The following GRM1 variants were observed in gnomAD, a reference collection of about 807,000 sequenced individuals.
The protein encoded by GRM1 is metabotropic glutamate receptor 1.
GRM1 carries 33 observed loss-of-function variants against 90.9 expected under a neutral mutation model. The observed-to-expected ratio is 0.36, with a 90% confidence interval of 0.28 to 0.49. The LOEUF (loss-of-function observed/expected upper bound fraction) is 0.49. Among genes scored for constraint, GRM1 ranks in the 20% least tolerant of loss-of-function variants. The pLI is 0.99. For missense variants in GRM1, 1,190 were observed against 1,534.3 expected, an observed-to-expected ratio of 0.78 and a Z score of 3.75; for synonymous variants, 700 against 613.2, an observed-to-expected ratio of 1.14 and a Z score of -2.09.
intron 1 of GRM1, among the ~76,000 whole-genome samples, chr6:146,109,766 G>A (rs925260279): frequency 1.3e-5 from 2 of 152,204 alleles, no homozygotes; most frequent in Non-Finnish European, 2.9e-5. Context: ...ACCCTGCAAA[G>A]CTACAGGGGT....
intron 1 of GRM1, among the ~76,000 whole-genome samples, chr6:146,070,662 T>C (rs958703518): frequency 6.6e-6 from 1 of 152,158 alleles, no homozygotes; most frequent in Admixed American, 6.6e-5. Flanking sequence ...TGTACAAATA[T>C]ATAAAATTAA....
chr6:146,311,951 G>C (rs1783787369), intron 3 of GRM1, among the ~76,000 whole-genome samples: 1 of 152,046 alleles, frequency 6.6e-6, no homozygotes, highest in African/African-American at 2.4e-5. Flanking sequence ...GATTGAGAAT[G>C]TTATCATTTG....
At chr6:146,110,918 G>C (rs12200649) in intron 1 of GRM1, among the ~76,000 whole-genome samples, 13,419 of 152,230 alleles carry the variant, frequency 0.088, 799 homozygotes, top group South Asian at 0.14. Flanking sequence ...AAGGAGGAAG[G>C]AGAGAGAAGG....
chr6:146,113,588 G>A (rs913056255), intron 1 of GRM1, among the ~76,000 whole-genome samples: 1 of 152,144 alleles, frequency 6.6e-6, no homozygotes, highest in Non-Finnish European at 1.5e-5. Context: ...TCTTAAATCT[G>A]TGTAGTGCAG....
intron 3 of GRM1, among the ~76,000 whole-genome samples, chr6:146,342,613 T>C (rs1785022577): frequency 6.6e-6 from 1 of 152,210 alleles, no homozygotes; most frequent in African/African-American, 2.4e-5. Flanking sequence ...TGTTCATCAA[T>C]AAGTTGAGGT....
chr6:146,231,109 C>G (rs1199877856), intron 2 of GRM1, among the ~76,000 whole-genome samples: 1 of 152,000 alleles, frequency 6.6e-6, no homozygotes, highest in Non-Finnish European at 1.5e-5. Flanking sequence ...TTATCCATGC[C>G]CATACAATGT....
At chr6:146,161,030 A>T (rs1777704034) in intron 2 of GRM1, among the ~76,000 whole-genome samples, 1 of 152,144 alleles carries the variant, frequency 6.6e-6, no homozygotes, top group African/African-American at 2.4e-5. Flanking sequence ...TAGGAGTGAA[A>T]AGAAGGTAAG....
At chr6:146,123,378 G>T (rs751217914) in intron 1 of GRM1, among the ~76,000 whole-genome samples, 3 of 152,152 alleles carry the variant, frequency 2.0e-5, no homozygotes, top group Non-Finnish European at 2.9e-5. Flanking sequence ...GAGAGTGCAT[G>T]TTTGGACCAG....
At chr6:146,036,191 T>C (rs1007039221) in intron 1 of GRM1, among the ~76,000 whole-genome samples, 4 of 151,968 alleles carry the variant, frequency 2.6e-5, no homozygotes, top group South Asian at 2.1e-4. Flanking sequence ...AAGAGACTTA[T>C]CAAAAGTCGT....
chr6:146,231,188 C>T (rs1360585024), intron 2 of GRM1, among the ~76,000 whole-genome samples: 1 of 152,118 alleles, frequency 6.6e-6, no homozygotes, highest in Non-Finnish European at 1.5e-5. Context: ...AACATATCCT[C>T]ATCAGCTGTG....
intron 1 of GRM1, among the ~76,000 whole-genome samples, chr6:146,043,792 T>TATATATATATATATATAG (rs1554260514): frequency 1.5e-5 from 2 of 135,260 alleles, no homozygotes; most frequent in South Asian, 2.4e-4. Flanking sequence ...GATATATATA[T>TATATATATATATATATAG]ATATATATAT....
chr6:146,137,328 G>T (rs1776662986), intron 1 of GRM1, among the ~76,000 whole-genome samples: 1 of 152,044 alleles, frequency 6.6e-6, no homozygotes, highest in Admixed American at 6.6e-5. Context: ...AGTCTATTTT[G>T]GTTTGATTAT....
At chr6:146,065,557 G>C (rs1775817503) in intron 1 of GRM1, among the ~76,000 whole-genome samples, 1 of 152,188 alleles carries the variant, frequency 6.6e-6, no homozygotes, top group Non-Finnish European at 1.5e-5. Flanking sequence ...TTGCCACCAT[G>C]ATTACTACCC....
At chr6:146,036,127 A>T (rs1272446602) in intron 1 of GRM1, among the ~76,000 whole-genome samples, 1 of 151,986 alleles carries the variant, frequency 6.6e-6, no homozygotes, top group Non-Finnish European at 1.5e-5. Context: ...AATATACAAT[A>T]ACTGCTTTGT....
intron 2 of GRM1, among the ~76,000 whole-genome samples, chr6:146,225,971 A>C (rs1780226883): frequency 6.6e-6 from 1 of 152,108 alleles, no homozygotes; most frequent in Admixed American, 6.6e-5. Context: ...CCTGGAATGC[A>C]CCTTTGTTTG....
In GRM1 at chr6:146,436,004, G is replaced by A. The variant is rs1334178259; in HGVS notation, c.*1208G>A. ...TGTCACTGAAGTCCTTGTAACTAGC[G>A]AGTGAATGTGTTCCTGTGTCCTTGT... On this transcript the variant is annotated 3_prime_UTR_variant, in exon 8 of 8. Coordinates refer to ENST00000282753, the MANE Select transcript of GRM1 (RefSeq NM_001278064.2). 6.6e-6 allele frequency: 1 copy of A among 152,552 alleles called. No homozygotes were observed. Among genetic ancestry groups the A allele is most frequent in the African/African-American group, 2.4e-5 (1 of 41,428 alleles). The allele number at this position is 152,552 out of a possible 1,614,324, so 9.4% of individuals were successfully genotyped here. A position where few individuals can be genotyped will look rare whatever the true frequency, so the allele number is the denominator to read the frequency against.
intron 2 of GRM1, among the ~76,000 whole-genome samples, chr6:146,266,488 A>G (rs17075834): frequency 6.6e-6 from 1 of 152,064 alleles, no homozygotes; most frequent in Non-Finnish European, 1.5e-5. Flanking sequence ...TAATCATCCA[A>G]CAAGAATGAA....
At chr6:146,290,987 A>C (rs1400420086) in intron 2 of GRM1, among the ~76,000 whole-genome samples, 1 of 152,162 alleles carries the variant, frequency 6.6e-6, no homozygotes, top group Non-Finnish European at 1.5e-5. Flanking sequence ...ATGACCCCCC[A>C]AAAATGTCTA....
intron 1 of GRM1, among the ~76,000 whole-genome samples, chr6:146,089,177 A>G (rs571843636): frequency 4.6e-5 from 7 of 152,134 alleles, no homozygotes; most frequent in Non-Finnish European, 8.8e-5. Flanking sequence ...GGCCACATTG[A>G]TGAAGCCCAT....
Sources: allele counts gnomAD v4.1 joint callset (sites outside exome capture counted in the v4.1 genomes callset), GRCh38; gene constraint gnomAD v4.1.1; transcripts MANE v1.5; gene names NCBI Gene and HGNC (gene_info 2026-07-23, HGNC 2026-07-21).